Variants in ZNF750 observed in about 807,000 individuals in gnomAD.
ZNF750 encodes the protein protein ZNF750.
Under a neutral mutation model 31.6 loss-of-function variants are expected in ZNF750, and 10 were observed. The observed-to-expected ratio is 0.32, with a 90% CI of 0.19 to 0.54. ZNF750 has a LOEUF of 0.54. Ranked by LOEUF, ZNF750 falls within the 20% of genes least tolerant of loss-of-function variation. The probability of loss-of-function intolerance (pLI) is 0.95; values close to 1 mark genes in which losing one functional copy is unlikely to be tolerated. For synonymous variants in ZNF750, 400 were observed against 404.9 expected (o/e 0.99, Z 0.15); for missense variants, 914 against 934.9 (o/e 0.98, Z 0.29).
chr17:82,832,147 T>C lies in ZNF750; in HGVS notation c.308A>G (p.Gln103Arg), dbSNP rs1228739898. The change falls in exon 2 of 3, where the codon CAG becomes CGG. Residue 103 changes from glutamine to arginine, a missense_variant. Coordinates refer to ENST00000269394, the MANE Select transcript of ZNF750 (RefSeq NM_024702.3). This position sits in a 1 kb window ranked among gnomAD's most constrained non-coding sequence, Gnocchi z 4.9. ...GATGTCTTCCCTGGCAGAGCTGTGC[T>C]GAAGCTTCGAGTCGAAGGCAGAGAG... ...NGLSAFDSKL[Q>R]HSSAREDIKE... 4 of 1,614,222 alleles carry C rather than the reference T, an allele frequency of 2.5e-6. No homozygotes were observed. Among genetic ancestry groups the C allele is most frequent in the Non-Finnish European group, 3.4e-6 (4 of 1,180,046 alleles).
At chr17:82,838,512 G>C (rs1040481325) in intron 1 of ZNF750, 37 of 397,382 alleles carry the variant, frequency 9.3e-5, no homozygotes, top group African/African-American at 7.6e-4. Flanking sequence ...TGCTCGGCTG[G>C]AGCATTGTGA....
At position 82,831,476 on chromosome 17, in the gene ZNF750, C is replaced by G. The variant is rs1234068318; in HGVS notation, c.979G>C (p.Ala327Pro). Residue 327 changes from alanine (A) to proline (P), a missense_variant, in exon 2 of 3, where the codon GCA becomes CCA. By Grantham distance (27) the Ala-to-Pro change is conservative. Transcript: ENST00000269394. This position sits in a 1 kb window ranked among gnomAD's most constrained non-coding sequence, Gnocchi z 4.6. ...AGTCTGAGACCATAGGAGGAAAATGCAGACTCTGGCCTGTAAAATCCGTAA... is the reference window on the plus strand; with the variant it reads ...AGTCTGAGACCATAGGAGGAAAATGGAGACTCTGGCCTGTAAAATCCGTAA... ...IPYGFYRPES[A>P]FSSYGLRLPP... The G allele has an allele frequency of 6.2e-7, 1 of 1,614,126 alleles. No individual in the cohort carries two copies. Among genetic ancestry groups the G allele is most frequent in the East Asian group, 2.2e-5 (1 of 44,880 alleles).
chr17:82,830,093 A>C lies in ZNF750; in HGVS notation c.*49T>G, dbSNP rs750211647. 4.4e-5 allele frequency: 71 copies of C among 1,610,276 alleles called. No individual in the cohort carries two copies. Among genetic ancestry groups the C allele is most frequent in the Non-Finnish European group, 5.9e-5 (69 of 1,178,678 alleles). On this transcript the variant is annotated 3_prime_UTR_variant, in exon 3 of 3. Coordinates refer to ENST00000269394, the MANE Select transcript of ZNF750 (RefSeq NM_024702.3). ...GAGGTGTTGTAGCTTGCCACCTTGG[A>C]AGGCGTGTGTGTGGCCGTAGCTCTG...
Position 82,832,132 on chromosome 17 carries a change from C to T in ZNF750, c.323G>A (p.Arg108Lys). The change falls in exon 2 of 3, where the codon AGG becomes AAG. Residue 108 changes from arginine to lysine, a missense_variant. Arg to Lys is a conservative substitution (Grantham distance 26). Coordinates refer to ENST00000269394, the MANE Select transcript of ZNF750 (RefSeq NM_024702.3). This position sits in a 1 kb window ranked among gnomAD's most constrained non-coding sequence, Gnocchi z 4.9. Reference sequence around the variant, plus strand: ...CTCCAGGTTTTCCTTGATGTCTTCCCTGGCAGAGCTGTGCTGAAGCTTCGA... The same window carrying T: ...CTCCAGGTTTTCCTTGATGTCTTCCTTGGCAGAGCTGTGCTGAAGCTTCGA... Reference protein sequence around the residue: ...FDSKLQHSSAREDIKENLELQ... With the variant: ...FDSKLQHSSAKEDIKENLELQ... 6.2e-7 allele frequency: 1 copy of T among 1,614,206 alleles called. No individual in the cohort carries two copies. The highest frequency in any genetic ancestry group is 8.5e-7 in the Non-Finnish European group (1 of 1,180,018).
rs867051830 is a variant in ZNF750, at chr17:82,830,292, C to T, written c.2022G>A (p.Glu674=). 2 of 1,614,228 alleles carry T rather than the reference C, an allele frequency of 1.2e-6. No individual in the cohort carries two copies. The highest frequency in any genetic ancestry group is 3.3e-4 in the Middle Eastern group (2 of 6,062). ...RQDTPTLSSM[E]SQEAQCDLRP... ...TGAGGTCACACTGGGCCTCTTGGCT[C>T]TCCATGGAGCTCAGTGTGGGTGTGT... The change falls in exon 3 of 3, where the codon GAG becomes GAA. Residue 674 remains glutamate, a synonymous_variant. Transcript: ENST00000269394.
intron 1 of ZNF750, among the ~76,000 whole-genome samples, chr17:82,838,173 A>G (rs991738595): frequency 4.6e-5 from 7 of 152,174 alleles, no homozygotes; most frequent in Non-Finnish European, 8.8e-5. Flanking sequence ...TCGGTTGGCC[A>G]TGGGGTTGTG....
At position 82,830,823 on chromosome 17, in the gene ZNF750, G is replaced by T; in HGVS notation, c.1491C>A (p.Val497=). 1.2e-6 allele frequency: 2 copies of T among 1,613,396 alleles called. No individual in the cohort carries two copies. Among genetic ancestry groups the T allele is most frequent in the Admixed American group, 1.7e-5 (1 of 60,032 alleles). The change falls in exon 3 of 3, where the codon GTC becomes GTA. Residue 497 remains valine (V), a synonymous_variant. Transcript: ENST00000269394. The part of the protein sequence containing the change: ...PPAPTGSASL[V]SEAAPSSPDD... ...CCGGACTGGAAGGCGCGGCCTCCGA[G>T]ACGAGAGAGGCGCTTCCGGTCGGAG...
rs746652206 is a variant in ZNF750, at chr17:82,830,478, T to C, written c.1836A>G (p.Thr612=). Reference sequence around the variant, plus strand: ...CGTCTGGAGCCTCCTCGCCGGGGCCTGTGGGTGGGGCCCCGTCACCGTCGA... The same window carrying C: ...CGTCTGGAGCCTCCTCGCCGGGGCCCGTGGGTGGGGCCCCGTCACCGTCGA... ...GSLDGDGAPP[T]GPGEEAPDAC... The change falls in exon 3 of 3, where the codon ACA becomes ACG. Residue 612 remains threonine, a synonymous_variant. Coordinates refer to ENST00000269394, the MANE Select transcript of ZNF750 (RefSeq NM_024702.3). 6.2e-7 allele frequency: 1 copy of C among 1,613,234 alleles called. No individual in the cohort carries two copies. Among genetic ancestry groups the C allele is most frequent in the Non-Finnish European group, 8.5e-7 (1 of 1,179,700 alleles).
chr17:82,830,616 A>G lies in ZNF750; in HGVS notation c.1698T>C (p.Pro566=), dbSNP rs12948179. 0.4 allele frequency: 652,717 copies of G among 1,613,826 alleles called. 132,787 individuals are homozygous for G. The highest frequency in any genetic ancestry group is 0.43 in the Admixed American group (25,709 of 60,002). The change falls in exon 3 of 3, where the codon CCT becomes CCC. Residue 566 remains proline, a synonymous_variant. Transcript: ENST00000269394. ...KDPCNTQAPR[P]AFPGRPRAAE... ...CAGCTCGTGGTCGACCGGGGAAGGC[A>G]GGCCTCGGAGCCTGGGTGTTACAGG...
At chr17:82,838,178 G>T (rs555894879) in intron 1 of ZNF750, among the ~76,000 whole-genome samples, 1 of 152,322 alleles carries the variant, frequency 6.6e-6, no homozygotes, top group African/African-American at 2.4e-5. Flanking sequence ...TGGCCATGGG[G>T]TTGTGTCTAA....
rs1371274865 is a variant in ZNF750, at chr17:82,831,532, A to C, written c.923T>G (p.Phe308Cys). ...SPATYDHYRF[F>C]QQYPSNLPIP... ...CGGCAGGTTAGAGGGATATTGCTGG[A>C]AAAACCTGTAGTGATCGTATGTGGC... The change falls in exon 2 of 3, where the codon TTC (phenylalanine) becomes TGC (cysteine). Residue 308 changes from phenylalanine (F) to cysteine (C), a missense_variant. Transcript: ENST00000269394. This position sits in a 1 kb window ranked among gnomAD's most constrained non-coding sequence, Gnocchi z 4.6. The C allele has an allele frequency of 6.2e-7, 1 of 1,614,024 alleles. No homozygotes were observed. Among genetic ancestry groups the C allele is most frequent in the Non-Finnish European group, 8.5e-7 (1 of 1,180,028 alleles).
At position 82,832,744 on chromosome 17, in the gene ZNF750, G is replaced by A; in HGVS notation, c.-182-108C>T. 2.1e-6 allele frequency: 1 copy of A among 479,312 alleles called. No homozygotes were observed. Among genetic ancestry groups the A allele is most frequent in the Non-Finnish European group, 3.8e-6 (1 of 262,726 alleles). The allele number at this position is 479,312 out of a possible 1,614,324, so 29.7% of individuals were successfully genotyped here. On this transcript the variant is annotated intron_variant, in intron 1 of 2. Transcript: ENST00000269394. This position sits in a 1 kb window ranked among gnomAD's most constrained non-coding sequence, Gnocchi z 4.9. ...GGATCCCTGAAGCAGAACCCCTGAA[G>A]GGCTGAAACTGCCTGCTCCTGAGGG... is the stretch of plus-strand genomic sequence containing the variant.
intron 1 of ZNF750, among the ~76,000 whole-genome samples, chr17:82,838,247 AGTT>A (rs1352933452): frequency 6.6e-6 from 1 of 152,164 alleles, no homozygotes; most frequent in African/African-American, 2.4e-5. Context: ...TGCAGCAGAC[AGTT>A]GTTAGGGTAA....
Position 82,830,062 on chromosome 17 carries a change from A to C in ZNF750, c.*80T>G. 1 of 1,581,612 alleles carries C rather than the reference A, an allele frequency of 6.3e-7. No individual in the cohort carries two copies. The highest frequency in any genetic ancestry group is 8.6e-7 in the Non-Finnish European group (1 of 1,158,096). On this transcript the variant is annotated 3_prime_UTR_variant, in exon 3 of 3. Transcript: ENST00000269394. ...GCATTTGTAAAAATGTGAAAGTGCC[A>C]GTTCAGAGGTGTTGTAGCTTGCCAC...
rs139335282 is a variant in ZNF750 at position 82,830,692 on chromosome 17, G to A, written c.1622C>T (p.Ala541Val). ...TYQGSPQAET[A>V]SFSELQDLPL... ...AAGGTCCTGCAGCTCTGAGAAGCTG[G>A]CGGTTTCCGCCTGGGGGCTGCCTTG... The change falls in exon 3 of 3, where the codon GCC becomes GTC. Residue 541 changes from alanine (A) to valine (V), a missense_variant. Physicochemically the swap from Ala to Val is moderately conservative, Grantham distance 64 (BLOSUM62 0). Coordinates refer to ENST00000269394, the MANE Select transcript of ZNF750 (RefSeq NM_024702.3). 6.2e-7 allele frequency: 1 copy of A among 1,614,156 alleles called. No individual in the cohort carries two copies. Among genetic ancestry groups the A allele is most frequent in the East Asian group, 2.2e-5 (1 of 44,878 alleles).
chr17:82,836,374 A>C (rs986888040), intron 1 of ZNF750, among the ~76,000 whole-genome samples: 22 of 152,254 alleles, frequency 1.4e-4, no homozygotes, highest in African/African-American at 5.1e-4. Context: ...TGATGATTTC[A>C]TCACTAGCTG....
chr17:82,830,011 G>T lies in ZNF750; in HGVS notation c.*131C>A, dbSNP rs1598765398. 7.1e-7 allele frequency: 1 copy of T among 1,417,008 alleles called. No individual in the cohort carries two copies. The highest frequency in any genetic ancestry group is 2.1e-5 in the Admixed American group (1 of 48,220). The allele number at this position is 1,417,008 out of a possible 1,614,324, so 87.8% of individuals were successfully genotyped here. A position where few individuals can be genotyped will look rare whatever the true frequency, so the allele number is the denominator to read the frequency against. ...TGGAGGGTTTTTTGTTTGTTTGTTT[G>T]TTTGTTTTTTTGAGAAGCAGCAGCT... On this transcript the variant is annotated 3_prime_UTR_variant, in exon 3 of 3. Transcript: ENST00000269394.
At chr17:82,834,683 CAG>C (rs1337607009) in intron 1 of ZNF750, among the ~76,000 whole-genome samples, 2 of 141,472 alleles carry the variant, frequency 1.4e-5, no homozygotes, top group African/African-American at 2.7e-5. Context: ...CACATGGACA[CAG>C]GGAGGGGAAC....
chr17:82,839,099 C>T (rs566120868), intron 1 of ZNF750: 186 of 496,650 alleles, frequency 3.7e-4, no homozygotes, highest in South Asian at 1.7e-3. Context: ...GTTTTGTTTT[C>T]GAAAGCTTAT....
Sources: allele counts gnomAD v4.1 joint callset (sites outside exome capture counted in the v4.1 genomes callset), GRCh38; gene constraint gnomAD v4.1.1; non-coding constraint Gnocchi (gnomAD v3.1); transcripts MANE v1.5; gene names NCBI Gene and HGNC (gene_info 2026-07-23, HGNC 2026-07-21).